Variants in ABLIM2 observed in about 807,000 individuals in gnomAD.
ABLIM2 encodes the protein actin binding LIM protein family member 2, also known as actin-binding LIM protein 2.
ABLIM2 carries 53 observed loss-of-function variants against 97.7 expected under a neutral mutation model. The observed-to-expected ratio is 0.54, with a 90% CI of 0.44 to 0.68. ABLIM2 has a LOEUF of 0.68. Ranked by LOEUF, ABLIM2 falls within the 30% of genes least tolerant of loss-of-function variation. ABLIM2 has a pLI of 0.00. For missense variants in ABLIM2, 835 were observed against 867.2 expected, an observed-to-expected ratio of 0.96 and a Z score of 0.47; for synonymous variants, 361 against 345.8, an observed-to-expected ratio of 1.04 and a Z score of -0.49.
At chr4:8,017,727 C>G (rs1770482621) in intron 14 of ABLIM2, among the ~76,000 whole-genome samples, 1 of 152,204 alleles carries the variant, frequency 6.6e-6, no homozygotes, top group African/African-American at 2.4e-5. Flanking sequence ...GGTGCAGCGG[C>G]TCACCCCTAT....
At chr4:8,097,611 G>A (rs943420700) in intron 2 of ABLIM2, among the ~76,000 whole-genome samples, 1 of 152,188 alleles carries the variant, frequency 6.6e-6, no homozygotes, top group Non-Finnish European at 1.5e-5. Context: ...CCCCGCCAGG[G>A]ATGGTCCCTG....
chr4:7,966,960 G>C lies in ABLIM2; in HGVS notation c.*30C>G, dbSNP rs1196276872. 1 of 1,498,878 alleles carries C rather than the reference G, an allele frequency of 6.7e-7. No individual in the cohort carries two copies. The allele number at this position is 1,498,878 out of a possible 1,614,324, so 92.8% of individuals were successfully genotyped here. Reference sequence around the variant, plus strand: ...CAGGGGCCCCTGGCCTCGGCGCCCGGCACACACCAGTGGGGCAGGCTGGCA... The same window carrying C: ...CAGGGGCCCCTGGCCTCGGCGCCCGCCACACACCAGTGGGGCAGGCTGGCA... On this transcript the variant is annotated 3_prime_UTR_variant, in exon 21 of 21. Transcript: ENST00000447017.
Position 8,071,624 on chromosome 4 carries a change from A to G in ABLIM2, c.675+6004T>C, listed in dbSNP as rs905952803. The G allele has an allele frequency of 1.4e-5, 12 of 843,514 alleles. No individual in the cohort carries two copies. In the African/African-American group the frequency reaches 2.0e-4, roughly 14 times the overall value. The allele number at this position is 843,514 out of a possible 1,614,324, so 52.3% of individuals were successfully genotyped here. A position where few individuals can be genotyped will look rare whatever the true frequency, so the allele number is the denominator to read the frequency against. ...AGCCAGGGGCACTGCCAAGCGCCTT[A>G]GGGGGCAAAACGGGGGTGGGGGAAC... On this transcript the variant is annotated intron_variant, in intron 6 of 20. Coordinates refer to ENST00000447017, the MANE Select transcript of ABLIM2 (RefSeq NM_001130083.2). This position sits in a 1 kb window ranked among gnomAD's most constrained non-coding sequence, Gnocchi z 6.2.
In ABLIM2 at chr4:8,054,301, G is replaced by A. The variant is rs1025312933; in HGVS notation, c.764-55C>T. The A allele has an allele frequency of 5.0e-6, 8 of 1,589,180 alleles. No homozygotes were observed. The African/African-American group carries it at 9.4e-5, about 19-fold the overall frequency. ...TTAGAGTTATTTCCCATGTTGCAGG[G>A]GCCTGTGTGGAAACGCAGAGGAGGG... is the stretch of plus-strand genomic sequence containing the variant. On this transcript the variant is annotated intron_variant, in intron 7 of 20. Coordinates refer to ENST00000447017, the MANE Select transcript of ABLIM2 (RefSeq NM_001130083.2). This position sits in a 1 kb window ranked among gnomAD's most constrained non-coding sequence, Gnocchi z 4.9.
At chr4:8,107,769 G>T (rs1838200185) in intron 1 of ABLIM2, among the ~76,000 whole-genome samples, 1 of 152,190 alleles carries the variant, frequency 6.6e-6, no homozygotes, top group Non-Finnish European at 1.5e-5. Context: ...GGGGCTTGCA[G>T]TTGTGACTAA....
chr4:8,036,909 T>C (rs1207161698), intron 9 of ABLIM2, among the ~76,000 whole-genome samples: 1 of 151,710 alleles, frequency 6.6e-6, no homozygotes, highest in Non-Finnish European at 1.5e-5. Context: ...TTACTATTCA[T>C]GTGGGATTGG....
chr4:8,032,855 C>T lies in ABLIM2; in HGVS notation c.1048-3079G>A. On this transcript the variant is annotated intron_variant, in intron 10 of 20. Coordinates refer to ENST00000447017, the MANE Select transcript of ABLIM2 (RefSeq NM_001130083.2). This position sits in a 1 kb window ranked among gnomAD's most constrained non-coding sequence, Gnocchi z 4.3. ...ACAAGTCAGGGTTCCAGAACCTTCTCTTTGGAGAAACATGGTTAATTCTTC... is the reference window on the plus strand; with the variant it reads ...ACAAGTCAGGGTTCCAGAACCTTCTTTTTGGAGAAACATGGTTAATTCTTC... Among the ~76,000 whole-genome samples the T allele has an allele frequency of 6.6e-6, 1 of 152,176 alleles. No homozygotes were observed. Among genetic ancestry groups the T allele is most frequent in the Non-Finnish European group, 1.5e-5 (1 of 68,038 alleles).
chr4:8,095,774 G>A lies in ABLIM2; in HGVS notation c.338+1325C>T, dbSNP rs898280862. Among the ~76,000 whole-genome samples the A allele has an allele frequency of 6.6e-6, 1 of 152,080 alleles. No individual in the cohort carries two copies. The highest frequency in any genetic ancestry group is 1.5e-5 in the Non-Finnish European group (1 of 68,032). The stretch of plus-strand genomic sequence containing the variant: ...GGCTGTTTTGTCTTCTGGATGAGAC[G>A]CGACCTTTTGGTGTCCACACTGCAT... On this transcript the variant is annotated intron_variant, in intron 3 of 20. Coordinates refer to ENST00000447017, the MANE Select transcript of ABLIM2 (RefSeq NM_001130083.2). This position sits in a 1 kb window ranked among gnomAD's most constrained non-coding sequence, Gnocchi z 4.7.
chr4:8,039,248 C>T (rs1389076501), intron 9 of ABLIM2, among the ~76,000 whole-genome samples: 2 of 152,178 alleles, frequency 1.3e-5, no homozygotes, highest in Admixed American at 6.5e-5. Flanking sequence ...GTTTTGCATC[C>T]TCCCTTCCCC....
At position 7,998,177 on chromosome 4, in the gene ABLIM2, C is replaced by T. The variant is rs188755109; in HGVS notation, c.1619-5250G>A. Among the ~76,000 whole-genome samples the T allele has an allele frequency of 4.5e-4, 68 of 152,156 alleles. 1 individual carries two copies. The highest frequency in any genetic ancestry group is 8.5e-4 in the Admixed American group (13 of 15,284). On this transcript the variant is annotated intron_variant, in intron 16 of 20. Coordinates refer to ENST00000447017, the MANE Select transcript of ABLIM2 (RefSeq NM_001130083.2). This position sits in a 1 kb window ranked among gnomAD's most constrained non-coding sequence, Gnocchi z 6.4. The stretch of plus-strand genomic sequence containing the variant: ...CTGGGATTACAGGTGTGAGCCACTG[C>T]GCCGGGCCTTCTGCTGTCTTTTTTC...
rs1450754002 is a variant in ABLIM2 at position 7,970,551 on chromosome 4, C to T, written c.1825-3448G>A. 2.0e-5 allele frequency among the ~76,000 whole-genome samples: 3 copies of T among 151,874 alleles called. No individual in the cohort carries two copies. Among genetic ancestry groups the T allele is most frequent in the Admixed American group, 1.3e-4 (2 of 15,244 alleles). ...AGAAGGGCAGGCTTGAGGATGACAC[C>T]ATGTGCTCCAGGCTGTGGGAGCCTC... On this transcript the variant is annotated intron_variant, in intron 20 of 20. Transcript: ENST00000447017. The surrounding 1 kb of genome is among the most constrained non-coding windows in gnomAD (Gnocchi z 5.3).
chr4:8,097,726 C>A (rs1394653785), intron 2 of ABLIM2, among the ~76,000 whole-genome samples: 1 of 152,084 alleles, frequency 6.6e-6, no homozygotes, highest in East Asian at 1.9e-4. Context: ...TGCTGGGGGC[C>A]GAAGGTTCCC....
At chr4:8,027,895 G>A in intron 11 of ABLIM2, 38 bp from the exon 12 acceptor site, 1 of 1,447,908 alleles carries the variant, frequency 6.9e-7, no homozygotes. Context: ...GTCAACCTGG[G>A]CTGGCTGGTG....
chr4:8,051,720 C>T (rs1242478565), intron 8 of ABLIM2, among the ~76,000 whole-genome samples: 1 of 152,256 alleles, frequency 6.6e-6, no homozygotes, highest in Non-Finnish European at 1.5e-5. Flanking sequence ...TCCACCCAAA[C>T]ATGGCGATTC....
At chr4:8,105,538 T>C (rs1836929601) in intron 2 of ABLIM2, among the ~76,000 whole-genome samples, 3 of 152,316 alleles carry the variant, frequency 2.0e-5, no homozygotes, top group East Asian at 1.9e-4. Context: ...TATCGGCTTG[T>C]GGCACATTTC....
intron 19 of ABLIM2, 81 bp from the exon 20 acceptor site, chr4:7,983,425 G>C: frequency 2.5e-6 from 4 of 1,578,108 alleles, no homozygotes; most frequent in Non-Finnish European, 3.5e-6. Context: ...AGGTCACCGA[G>C]AATACATACT....
Position 7,984,864 on chromosome 4 carries a change from G to T in ABLIM2, c.1710C>A (p.Asp570Glu), listed in dbSNP as rs1285314481. 58 of 1,608,312 alleles carry T rather than the reference G, an allele frequency of 3.6e-5. No homozygotes were observed. Among genetic ancestry groups the T allele is most frequent in the Non-Finnish European group, 4.4e-5 (52 of 1,177,866 alleles). Residue 570 changes from aspartate (D) to glutamate (E), a missense_variant, in exon 18 of 21, where the codon GAC (aspartate) becomes GAA (glutamate). Coordinates refer to ENST00000447017, the MANE Select transcript of ABLIM2 (RefSeq NM_001130083.2). Reference protein sequence around the residue: ...RNANLAPCGADPDASWGMREY... With the variant: ...RNANLAPCGAEPDASWGMREY... ...CTCGCATGCCCCAGCTGGCATCCGG[G>T]TCTGCTCCACAGGGGGCCAGATTGG... is the stretch of plus-strand genomic sequence containing the variant.
intron 11 of ABLIM2, 24 bp from the exon 12 acceptor site, chr4:8,027,881 C>G: frequency 6.5e-7 from 1 of 1,532,000 alleles, no homozygotes; most frequent in Non-Finnish European, 8.8e-7. Context: ...GAGAGCAAGT[C>G]AGAGTCAACC....
Position 8,148,558 on chromosome 4 carries a change from C to T in ABLIM2, c.10+10122G>A, listed in dbSNP as rs1039958016. ...TGTGAAGTGGGAATACTGGTAGTCC[C>T]GAGCAAGGAGCTCTGATGTAAGGAT... is the stretch of plus-strand genomic sequence containing the variant. On this transcript the variant is annotated intron_variant, in intron 1 of 20. Transcript: ENST00000447017. This position sits in a 1 kb window ranked among gnomAD's most constrained non-coding sequence, Gnocchi z 6.7. Among the ~76,000 whole-genome samples the T allele has an allele frequency of 5.9e-5, 9 of 152,090 alleles. No individual in the cohort carries two copies. Among genetic ancestry groups the T allele is most frequent in the East Asian group, 3.9e-4 (2 of 5,194 alleles).
Sources: gnomAD v4.1 joint callset for allele counts (sites outside exome capture counted in the v4.1 genomes callset) on GRCh38, gnomAD v4.1.1 for gene constraint, Gnocchi (gnomAD v3.1) non-coding constraint, MANE v1.5 for transcripts, NCBI Gene and HGNC (gene_info 2026-07-23, HGNC 2026-07-21) for gene names.